The following C10orf90 variants were observed in gnomAD, a reference collection of about 807,000 sequenced individuals.
The protein encoded by C10orf90 is chromosome 10 open reading frame 90.
In C10orf90, 56 loss-of-function variants were observed where a neutral mutation model predicts 62.5. The ratio of observed to expected loss-of-function variants is 0.90; its 90% confidence interval spans 0.72 to 1.12. C10orf90 has a LOEUF of 1.12. Ranked by LOEUF, C10orf90 falls within the 50% of genes most tolerant of loss-of-function variation. C10orf90 has a pLI of 0.00. For missense variants in C10orf90, 970 were observed against 880.4 expected (o/e 1.10, Z -1.29); for synonymous variants, 386 against 340.4 (o/e 1.13, Z -1.47).
chr10:126,595,702 T>G lies in C10orf90; in HGVS notation c.313+50863A>C, dbSNP rs182681297. Among the ~76,000 whole-genome samples, 229 of 152,222 alleles carry G rather than the reference T, an allele frequency of 1.5e-3. 1 individual carries two copies. The highest frequency in any genetic ancestry group is 0.01 in the Middle Eastern group (3 of 294). On this transcript the variant is annotated intron_variant, in intron 2 of 9. Coordinates refer to ENST00000488181, the MANE Select transcript of C10orf90 (RefSeq NM_001350921.2). ...CAGAGACTAGACAGGATTCTAACAT[T>G]GTTAGATGTGAAACTCTGTATTCAA...
intron 2 of C10orf90, among the ~76,000 whole-genome samples, chr10:126,538,793 C>T (rs117668382): frequency 0.013 from 2,020 of 152,298 alleles, 23 homozygotes; most frequent in African/African-American, 0.017. Context: ...CTGTACCATT[C>T]TACCTCTGCT....
chr10:126,582,819 A>G (rs1310313259), intron 2 of C10orf90, among the ~76,000 whole-genome samples: 1 of 152,246 alleles, frequency 6.6e-6, no homozygotes, highest in Non-Finnish European at 1.5e-5. Flanking sequence ...GCCTTGAAAT[A>G]TAAGGTGTGT....
intron 2 of C10orf90, among the ~76,000 whole-genome samples, chr10:126,612,988 GC>G (rs1845470374): frequency 6.6e-6 from 1 of 152,080 alleles, no homozygotes; most frequent in African/African-American, 2.4e-5. Flanking sequence ...AATTCTGGGG[GC>G]TGATGTCTCG....
intron 4 of C10orf90, among the ~76,000 whole-genome samples, chr10:126,482,050 T>G (rs1447375214): frequency 2.1e-5 from 3 of 146,076 alleles, no homozygotes; most frequent in Non-Finnish European, 4.4e-5. Flanking sequence ...TGGCTCATAC[T>G]TTTTTTGTCC....
intron 4 of C10orf90, among the ~76,000 whole-genome samples, chr10:126,490,014 T>TATATATAATATATAATATATA (rs71687088): frequency 7.6e-5 from 7 of 92,542 alleles, no homozygotes; most frequent in South Asian, 5.4e-4. Flanking sequence ...TTATATATAT[T>TATATATAATATATAATATATA]ATATATAATA....
At chr10:126,623,096 T>C (rs997361695) in intron 2 of C10orf90, among the ~76,000 whole-genome samples, 17 of 152,282 alleles carry the variant, frequency 1.1e-4, no homozygotes, top group African/African-American at 3.8e-4. Context: ...CTCTAAGAAC[T>C]GTCGGATGAG....
chr10:126,511,212 T>C (rs1396577793), intron 3 of C10orf90, among the ~76,000 whole-genome samples: 1 of 152,210 alleles, frequency 6.6e-6, no homozygotes, highest in Non-Finnish European at 1.5e-5. Context: ...GGAAGACAGT[T>C]TGAAGACAAA....
chr10:126,501,254 G>A (rs535634391), intron 4 of C10orf90, among the ~76,000 whole-genome samples: 21 of 152,198 alleles, frequency 1.4e-4, no homozygotes, highest in African/African-American at 4.1e-4. Context: ...AGGACAGCCC[G>A]TGGTCATTAG....
At chr10:126,521,324 C>T in intron 2 of C10orf90, 1 of 1,614,106 alleles carries the variant, frequency 6.2e-7, no homozygotes. Context: ...TGAGCATATT[C>T]TACTGAGGTT....
intron 4 of C10orf90, among the ~76,000 whole-genome samples, chr10:126,469,042 T>A (rs116224414): frequency 0.016 from 2,429 of 152,168 alleles, 70 homozygotes; most frequent in African/African-American, 0.056. Context: ...TTTGGCACAG[T>A]AGAAAATCAG....
At chr10:126,549,427 G>A (rs1864577575) in intron 2 of C10orf90, among the ~76,000 whole-genome samples, 1 of 152,144 alleles carries the variant, frequency 6.6e-6, no homozygotes, top group Admixed American at 6.5e-5. Flanking sequence ...AGCCTCATTA[G>A]CCATTAGGGA....
At chr10:126,656,762 A>C (rs1234661326) in intron 1 of C10orf90, among the ~76,000 whole-genome samples, 1 of 152,224 alleles carries the variant, frequency 6.6e-6, no homozygotes, top group East Asian at 1.9e-4. Flanking sequence ...ACGATTTGGT[A>C]CTGGAGTTCA....
intron 2 of C10orf90, among the ~76,000 whole-genome samples, chr10:126,638,995 C>G (rs11592979): frequency 0.091 from 13,804 of 152,304 alleles, 760 homozygotes; most frequent in Middle Eastern, 0.15. Flanking sequence ...TATGGAATAA[C>G]TTTACGCTGA....
intron 2 of C10orf90, among the ~76,000 whole-genome samples, chr10:126,593,713 G>A (rs1436663021): frequency 6.6e-6 from 1 of 152,040 alleles, no homozygotes; most frequent in Non-Finnish European, 1.5e-5. Flanking sequence ...AAAAAAATGA[G>A]GAAAAGAAAA....
chr10:126,651,662 G>T (rs1843244265), intron 1 of C10orf90, among the ~76,000 whole-genome samples: 1 of 152,110 alleles, frequency 6.6e-6, no homozygotes, highest in Non-Finnish European at 1.5e-5. Flanking sequence ...AAACAGCTGA[G>T]AATTTCCCAG....
chr10:126,652,117 C>T (rs555089203), intron 1 of C10orf90, among the ~76,000 whole-genome samples: 1 of 152,318 alleles, frequency 6.6e-6, no homozygotes, highest in South Asian at 2.1e-4. Context: ...AATGTCAGAT[C>T]AGTTTATGGA....
At chr10:126,580,757 T>C (rs1428184667) in intron 2 of C10orf90, among the ~76,000 whole-genome samples, 2 of 151,760 alleles carry the variant, frequency 1.3e-5, no homozygotes, top group African/African-American at 2.4e-5. Flanking sequence ...TGTGCATGCA[T>C]GTGTGGTGTG....
intron 2 of C10orf90, among the ~76,000 whole-genome samples, chr10:126,604,369 G>A (rs990908475): frequency 4.6e-5 from 7 of 152,112 alleles, no homozygotes; most frequent in Non-Finnish European, 1.0e-4. Flanking sequence ...GAATTGTTTG[G>A]CTATCTTGAT....
chr10:126,665,074 G>A (rs1443426730), intron 1 of C10orf90, among the ~76,000 whole-genome samples: 2 of 152,222 alleles, frequency 1.3e-5, no homozygotes, highest in Non-Finnish European at 1.5e-5. Context: ...CAGCAGGCAA[G>A]GCACAGGAGT....
Sources: gnomAD v4.1 joint callset for allele counts (sites outside exome capture counted in the v4.1 genomes callset) on GRCh38, gnomAD v4.1.1 for gene constraint, MANE v1.5 for transcripts, NCBI Gene and HGNC (gene_info 2026-07-23, HGNC 2026-07-21) for gene names.